Variants in DCAF5 observed in about 807,000 individuals in gnomAD.
The protein encoded by DCAF5 is DDB1- and CUL4-associated factor 5.
Under a neutral mutation model 80.7 loss-of-function variants are expected in DCAF5, and 9 were observed. The observed-to-expected ratio is 0.11, with a 90% confidence interval of 0.07 to 0.19. The LOEUF is 0.19. Among genes scored for constraint, DCAF5 ranks in the 10% least tolerant of loss-of-function variants. The probability of loss-of-function intolerance (pLI) is 1.00; values close to 1 mark genes in which losing one functional copy is unlikely to be tolerated. For synonymous variants in DCAF5, 433 were observed against 461.9 expected (o/e 0.94, Z 0.80); for missense variants, 842 against 1,205.7 (o/e 0.70, Z 4.47).
intron 6 of DCAF5, among the ~76,000 whole-genome samples, chr14:69,086,580 A>G (rs1407259622): frequency 6.6e-6 from 1 of 151,504 alleles, no homozygotes. Flanking sequence ...ATGGCATGCC[A>G]GGCCCCAAAG....
chr14:69,058,279 G>A lies in DCAF5; in HGVS notation c.1075-2668C>T, dbSNP rs527712519. Among the ~76,000 whole-genome samples the A allele has an allele frequency of 3.9e-5, 6 of 152,170 alleles. No individual in the cohort carries two copies. In the South Asian group the frequency reaches 1.2e-3, roughly 32 times the overall value. On this transcript the variant is annotated intron_variant, in intron 8 of 8. Coordinates refer to ENST00000341516, the MANE Select transcript of DCAF5 (RefSeq NM_003861.3). ...CAAGCCTGTAATCCTAGCACTTTGG[G>A]AGGCCGTGGCGGGTAGATCACTTGA... is the stretch of plus-strand genomic sequence containing the variant.
At chr14:69,141,157 A>AG (rs1193114436) in intron 1 of DCAF5, among the ~76,000 whole-genome samples, 1 of 149,742 alleles carries the variant, frequency 6.7e-6, no homozygotes, top group East Asian at 1.9e-4. Context: ...AAAAAAAAAA[A>AG]AAAAAAAAAA....
chr14:69,057,269 C>T, intron 8 of DCAF5, among the ~76,000 whole-genome samples: 1 of 151,942 alleles, frequency 6.6e-6, no homozygotes, highest in East Asian at 1.9e-4. Flanking sequence ...ACTATCTCTG[C>T]AAAGAGATGT....
At chr14:69,084,812 C>T (rs545795883) in intron 6 of DCAF5, 38 of 1,081,580 alleles carry the variant, frequency 3.5e-5, no homozygotes, top group Admixed American at 1.8e-4. Flanking sequence ...TTCAGGAACA[C>T]TATTGTGTAC....
At chr14:69,142,564 C>G (rs1189496286) in intron 1 of DCAF5, among the ~76,000 whole-genome samples, 1 of 152,142 alleles carries the variant, frequency 6.6e-6, no homozygotes, top group African/African-American at 2.4e-5. Flanking sequence ...ATTAAACAGG[C>G]TTATCATCTG....
intron 7 of DCAF5, among the ~76,000 whole-genome samples, chr14:69,066,544 A>G (rs1369299360): frequency 6.6e-6 from 1 of 152,188 alleles, no homozygotes; most frequent in African/African-American, 2.4e-5. Flanking sequence ...GACTATAACC[A>G]TATCTATTGC....
chr14:69,126,889 C>A (rs960339094), intron 1 of DCAF5, among the ~76,000 whole-genome samples: 3 of 151,994 alleles, frequency 2.0e-5, no homozygotes, highest in Non-Finnish European at 2.9e-5. Flanking sequence ...GACTTTATAC[C>A]CTTCATAAAA....
rs750392703 is a variant in DCAF5 at position 69,107,051 on chromosome 14, A to ATAAATAAT, written c.665+9307_665+9314dup. ...AGCAAGACTTTGTCTCAAAAAATAA[A>ATAAATAAT]TAAATAATTAAATAATTAAATAAGA... On this transcript the variant is annotated intron_variant, in intron 5 of 8. Transcript: ENST00000341516. 8.4e-3 allele frequency among the ~76,000 whole-genome samples: 521 copies of ATAAATAAT among 62,028 alleles called. 2 individuals carry two copies. Among genetic ancestry groups the ATAAATAAT allele is most frequent in the Non-Finnish European group, 0.015 (398 of 26,988 alleles). The allele number at this position is 62,028 out of a possible 152,430, so 40.7% of individuals were successfully genotyped here.
intron 1 of DCAF5, among the ~76,000 whole-genome samples, chr14:69,140,722 T>A (rs2041342076): frequency 6.6e-6 from 1 of 152,192 alleles, no homozygotes; most frequent in Non-Finnish European, 1.5e-5. Context: ...CCTCTGGACC[T>A]GGCATGTTCA....
At chr14:69,145,866 G>C (rs1321256604) in intron 1 of DCAF5, among the ~76,000 whole-genome samples, 1 of 152,148 alleles carries the variant, frequency 6.6e-6, no homozygotes, top group Non-Finnish European at 1.5e-5. Flanking sequence ...AGAAGACAGA[G>C]ATTAAAATTA....
At chr14:69,132,231 G>C (rs2041063597) in intron 1 of DCAF5, among the ~76,000 whole-genome samples, 1 of 152,142 alleles carries the variant, frequency 6.6e-6, no homozygotes, top group Admixed American at 6.5e-5. Flanking sequence ...GTTTTCCACA[G>C]TGGCTGCCCC....
intron 5 of DCAF5, among the ~76,000 whole-genome samples, chr14:69,100,348 G>A (rs555640684): frequency 6.6e-6 from 1 of 152,190 alleles, no homozygotes; most frequent in East Asian, 1.9e-4. Context: ...GGAATTTAGA[G>A]AGCCTCTTAA....
chr14:69,053,954 C>T lies in DCAF5; in HGVS notation c.2732G>A (p.Arg911Lys). The T allele has an allele frequency of 6.2e-7, 1 of 1,613,170 alleles. No individual in the cohort carries two copies. The highest frequency in any genetic ancestry group is 8.5e-7 in the Non-Finnish European group (1 of 1,179,606). The change falls in exon 9 of 9, where the codon AGG (arginine) becomes AAG (lysine). Residue 911 changes from arginine to lysine, a missense_variant. Arg to Lys is a conservative substitution (Grantham distance 26). Transcript: ENST00000341516. ...PTDTPATDSS[R>K]AVHGHSGLKR... ...GAGGCCACTGTGGCCATGAACAGCC[C>T]TGCTACTATCTGTGGCTGGGGTGTC...
At position 69,051,598 on chromosome 14, in the gene DCAF5, CTCTTT is replaced by C. The variant is rs2037763023; in HGVS notation, c.*2254_*2258del. On this transcript the variant is annotated 3_prime_UTR_variant, in exon 9 of 9. Coordinates refer to ENST00000341516, the MANE Select transcript of DCAF5 (RefSeq NM_003861.3). ...AGTTAACCAGAATAAACTCTGATTTCTCTTTTGAGTACCCAAATGAGATTAAGGCT... is the reference window on the plus strand; with the variant it reads ...AGTTAACCAGAATAAACTCTGATTTCTGAGTACCCAAATGAGATTAAGGCT... The C allele has an allele frequency of 6.6e-6, 1 of 152,202 alleles. No homozygotes were observed. Among genetic ancestry groups the C allele is most frequent in the Non-Finnish European group, 1.5e-5 (1 of 68,030 alleles). 9.4% of individuals were successfully genotyped at this position (152,202 alleles called of 1,614,324 possible).
intron 1 of DCAF5, among the ~76,000 whole-genome samples, chr14:69,149,957 A>C (rs2140133251): frequency 6.6e-6 from 1 of 152,368 alleles, no homozygotes; most frequent in Middle Eastern, 3.4e-3. Context: ...CCCAGAAAAA[A>C]ATTCAATTAG....
At position 69,153,037 on chromosome 14, in the gene DCAF5, C is replaced by T. The variant is rs1475351345; in HGVS notation, c.-59G>A. The T allele has an allele frequency of 2.3e-6, 3 of 1,325,834 alleles. No homozygotes were observed. Among genetic ancestry groups the T allele is most frequent in the Non-Finnish European group, 2.9e-6 (3 of 1,017,356 alleles). 82.1% of individuals were successfully genotyped at this position (1,325,834 alleles called of 1,614,324 possible). A position where few individuals can be genotyped will look rare whatever the true frequency, so the allele number is the denominator to read the frequency against. On this transcript the variant is annotated 5_prime_UTR_variant, in exon 1 of 9. Transcript: ENST00000341516. Reference sequence around the variant, plus strand: ...GCCCCTCCCTCGGCCTCACGCGCGGCCGCTGCTCCCCCCACCCGGCCCTCC... The same window carrying T: ...GCCCCTCCCTCGGCCTCACGCGCGGTCGCTGCTCCCCCCACCCGGCCCTCC...
At chr14:69,081,503 C>G (rs530093039) in intron 6 of DCAF5, among the ~76,000 whole-genome samples, 1 of 152,216 alleles carries the variant, frequency 6.6e-6, no homozygotes, top group East Asian at 1.9e-4. Flanking sequence ...GTTTACTGAT[C>G]TAGACATTTT....
chr14:69,074,367 TGAA>T (rs1009480454), intron 7 of DCAF5, among the ~76,000 whole-genome samples: 18 of 150,910 alleles, frequency 1.2e-4, no homozygotes, highest in Non-Finnish European at 1.3e-4. Flanking sequence ...TTATCAAAAA[TGAA>T]GAAGATTAAG....
intron 6 of DCAF5, among the ~76,000 whole-genome samples, chr14:69,082,631 G>A (rs1020184031): frequency 6.6e-6 from 1 of 152,172 alleles, no homozygotes; most frequent in Non-Finnish European, 1.5e-5. Context: ...AAGATGAGGG[G>A]CCATTAACCA....
Sources: gnomAD v4.1 joint callset for allele counts (sites outside exome capture counted in the v4.1 genomes callset) on GRCh38, gnomAD v4.1.1 for gene constraint, MANE v1.5 for transcripts, NCBI Gene and HGNC (gene_info 2026-07-23, HGNC 2026-07-21) for gene names.